Variants in CRNKL1 observed in about 807,000 individuals in gnomAD.
CRNKL1 encodes the protein crooked neck-like protein 1.
A neutral mutation model predicts 103.7 loss-of-function variants in CRNKL1; 35 were observed. The observed-to-expected ratio is 0.34, with a 90% confidence interval of 0.26 to 0.45. The LOEUF is 0.45. Ranked by LOEUF, CRNKL1 falls within the 20% of genes least tolerant of loss-of-function variation. CRNKL1 has a pLI of 1.00. For synonymous variants in CRNKL1, 267 were observed against 282.6 expected, an observed-to-expected ratio of 0.94 and a Z score of 0.55; for missense variants, 645 against 836.0, an observed-to-expected ratio of 0.77 and a Z score of 2.82.
rs1358290685 is a variant in CRNKL1 at position 20,038,277 on chromosome 20, A to C, written c.1647+72T>G. Reference sequence around the variant, plus strand: ...AAACAAAAACCCAAACACTTAAAATACAGAAATATATCATTTTCTTCTGGA... The same window carrying C: ...AAACAAAAACCCAAACACTTAAAATCCAGAAATATATCATTTTCTTCTGGA... On this transcript the variant is annotated intron_variant, in intron 12 of 13. Coordinates refer to ENST00000536226, the MANE Select transcript of CRNKL1 (RefSeq NM_001278628.2). 6.4e-6 allele frequency: 6 copies of C among 938,874 alleles called. No homozygotes were observed. In the Admixed American group the frequency reaches 8.1e-5, roughly 13 times the overall value. The allele number at this position is 938,874 out of a possible 1,614,324, so 58.2% of individuals were successfully genotyped here.
At chr20:20,036,500 G>A in intron 13 of CRNKL1, 138 bp from the exon 14 acceptor site, 3 of 786,878 alleles carry the variant, frequency 3.8e-6, no homozygotes, top group Non-Finnish European at 6.0e-6. Context: ...GAAAGAACAA[G>A]GGCTGGGTCT....
Position 20,042,360 on chromosome 20 carries a change from T to A in CRNKL1, c.1129A>T (p.Ile377Phe). The A allele has an allele frequency of 6.2e-7, 1 of 1,613,518 alleles. No homozygotes were observed. Among genetic ancestry groups the A allele is most frequent in the Non-Finnish European group, 8.5e-7 (1 of 1,179,836 alleles). ...RHWKRYIYLW[I>F]NYALYEELEA... ...AATTCTTCATAGAGTGCATAGTTGA[T>A]CCAAAGATAAATGTAGCGCTTCCAG... Residue 377 changes from isoleucine (I) to phenylalanine (F), a missense_variant, in exon 8 of 14, where the codon ATC becomes TTC. By Grantham distance (21) the Ile-to-Phe change is conservative. Coordinates refer to ENST00000536226, the MANE Select transcript of CRNKL1 (RefSeq NM_001278628.2).
rs916232746 is a variant in CRNKL1 at position 20,034,370 on chromosome 20, A to AAACT, written c.*1821_*1824dup. 3.3e-5 allele frequency: 5 copies of AAACT among 152,182 alleles called. No homozygotes were observed. Among genetic ancestry groups the AAACT allele is most frequent in the South Asian group, 2.1e-4 (1 of 4,832 alleles). 9.4% of individuals were successfully genotyped at this position (152,182 alleles called of 1,614,324 possible). ...AAAGAAAAACCCACAAGAAATTATT[A>AAACT]AACTTTTACTATCGAAAGGATTTAC... On this transcript the variant is annotated 3_prime_UTR_variant, in exon 14 of 14. Transcript: ENST00000536226.
chr20:20,049,127 C>T (rs2043642593), intron 3 of CRNKL1, among the ~76,000 whole-genome samples: 1 of 151,074 alleles, frequency 6.6e-6, no homozygotes, highest in Non-Finnish European at 1.5e-5. Context: ...CAAGATCTAT[C>T]TCTAAAGCCT....
At chr20:20,038,565 GAAC>G (rs1393260808) in intron 11 of CRNKL1, 115 bp from the exon 12 acceptor site, 2 of 620,918 alleles carry the variant, frequency 3.2e-6, no homozygotes, top group African/African-American at 1.9e-5. Context: ...GATTTTTACT[GAAC>G]AACTAAAGAA....
chr20:20,041,458 G>A (rs2043512562), intron 9 of CRNKL1, 108 bp downstream of exon 9: 2 of 874,304 alleles, frequency 2.3e-6, no homozygotes, highest in Non-Finnish European at 3.8e-6. Context: ...TGTCCATGGT[G>A]GGACAGGGAA....
rs1190224448 is a variant in CRNKL1 at position 20,043,913 on chromosome 20, A to T, written c.802-251T>A. Among the ~76,000 whole-genome samples, 5 of 152,268 alleles carry T rather than the reference A, an allele frequency of 3.3e-5. No homozygotes were observed. The East Asian group carries it at 9.7e-4, about 29-fold the overall frequency. ...TGGATGTCTACTGCACATCTCAAACAGGTCCAAAACTGAGCTTCTGTTTCC... is the reference window on the plus strand; with the variant it reads ...TGGATGTCTACTGCACATCTCAAACTGGTCCAAAACTGAGCTTCTGTTTCC... On this transcript the variant is annotated intron_variant, in intron 6 of 13. Coordinates refer to ENST00000536226, the MANE Select transcript of CRNKL1 (RefSeq NM_001278628.2).
upstream of CRNKL1, chr20:20,052,552 G>C: frequency 2.5e-6 from 4 of 1,614,134 alleles, no homozygotes; most frequent in Non-Finnish European, 3.4e-6. Context: ...TCCTCCTTGC[G>C]GCAGCGCGTG....
chr20:20,043,889 G>A (rs190165225), intron 6 of CRNKL1, among the ~76,000 whole-genome samples: 2 of 152,108 alleles, frequency 1.3e-5, no homozygotes, highest in Admixed American at 6.5e-5. Flanking sequence ...ACTGCCAACT[G>A]GATGTCTACT....
chr20:20,036,829 G>C (rs2043426229), intron 13 of CRNKL1, among the ~76,000 whole-genome samples: 1 of 152,100 alleles, frequency 6.6e-6, no homozygotes, highest in Non-Finnish European at 1.5e-5. Context: ...CAGCTTCCAT[G>C]TCTTGCTCAG....
chr20:20,037,193 A>G (rs554136786), intron 13 of CRNKL1, 130 bp downstream of exon 13: 147 of 1,101,444 alleles, frequency 1.3e-4, no homozygotes, highest in African/African-American at 1.2e-3. Context: ...GATTGCAACC[A>G]TCTCCTACTC....
chr20:20,043,736 A>T, intron 6 of CRNKL1, 74 bp from the exon 7 acceptor site: 1 of 1,382,282 alleles, frequency 7.2e-7, no homozygotes, highest in Admixed American at 1.9e-5. Context: ...GAGTAAATAT[A>T]ACAAAATATT....
Position 20,045,420 on chromosome 20 carries a change from T to TA in CRNKL1, c.688dup (p.Tyr230LeufsTer10). The TA allele has an allele frequency of 6.2e-7, 1 of 1,611,510 alleles. No homozygotes were observed. The highest frequency in any genetic ancestry group is 8.5e-7 in the Non-Finnish European group (1 of 1,179,208). On this transcript the variant is annotated frameshift_variant, in exon 6 of 14. Transcript: ENST00000536226. LOFTEE classifies it high-confidence loss of function. Reference sequence around the variant, plus strand: ...ATACACTTTCCGTGCATGGGCAAAATAAGCATGTTTTTCTTCAAAGCGGGC... The same window carrying TA: ...ATACACTTTCCGTGCATGGGCAAAATAAAGCATGTTTTTCTTCAAAGCGGGC...
At chr20:20,038,305 G>A (rs146758241) in intron 12 of CRNKL1, 44 bp downstream of exon 12, 14,217 of 1,180,270 alleles carry the variant, frequency 0.012, 114 homozygotes, top group Non-Finnish European at 0.015. Flanking sequence ...CTTCTGGACT[G>A]CTGATTCAAG....
intron 13 of CRNKL1, 47 bp downstream of exon 13, chr20:20,037,276 T>G (rs1163622762): frequency 6.3e-7 from 1 of 1,582,906 alleles, no homozygotes; most frequent in Admixed American, 1.8e-5. Context: ...CAGAAGTGTT[T>G]CTACTCATGT....
chr20:20,045,629 G>T, intron 5 of CRNKL1, 143 bp from the exon 6 acceptor site: 1 of 692,634 alleles, frequency 1.4e-6, no homozygotes, highest in Non-Finnish European at 2.3e-6. Context: ...ATACAAAAGT[G>T]TAGAATTAAA....
chr20:20,054,618 A>G (rs910948536), upstream of CRNKL1, among the ~76,000 whole-genome samples: 3 of 152,218 alleles, frequency 2.0e-5, no homozygotes, highest in Non-Finnish European at 4.4e-5. Flanking sequence ...CTGTGCTACA[A>G]TGGCAGAGTT....
At chr20:20,038,286 T>C (rs2043455733) in intron 12 of CRNKL1, 63 bp downstream of exon 12, 3 of 901,354 alleles carry the variant, frequency 3.3e-6, no homozygotes, top group South Asian at 1.6e-5. Context: ...TACAGAAATA[T>C]ATCATTTTCT....
chr20:20,046,650 G>T (rs2043598492), intron 5 of CRNKL1, among the ~76,000 whole-genome samples: 1 of 152,156 alleles, frequency 6.6e-6, no homozygotes, highest in African/African-American at 2.4e-5. Flanking sequence ...AAGAAAAGTG[G>T]TTCAGAAATG....
Sources: gnomAD v4.1 joint callset for allele counts (sites outside exome capture counted in the v4.1 genomes callset) on GRCh38, gnomAD v4.1.1 for gene constraint, MANE v1.5 for transcripts, NCBI Gene and HGNC (gene_info 2026-07-23, HGNC 2026-07-21) for gene names.